The following KIF16B variants were observed in gnomAD, a reference collection of about 807,000 sequenced individuals.
KIF16B encodes kinesin family member 16B.
In KIF16B, 98 loss-of-function variants were observed where a neutral mutation model predicts 156.3. That is an observed-to-expected ratio of 0.63 (90% CI 0.53 to 0.74). The LOEUF is 0.74. KIF16B is among the 30% of genes least tolerant of loss of function. The pLI is 0.00. For synonymous variants in KIF16B, 564 were observed against 583.7 expected (o/e 0.97, Z 0.49); for missense variants, 1,421 against 1,606.5 (o/e 0.88, Z 1.97).
Position 16,573,263 on chromosome 20 carries a change from T to G in KIF16B, c.13A>C (p.Lys5Gln). 1.9e-6 allele frequency: 3 copies of G among 1,609,056 alleles called. No individual in the cohort carries two copies. Among genetic ancestry groups the G allele is most frequent in the Non-Finnish European group, 2.5e-6 (3 of 1,178,736 alleles). The part of the protein sequence containing the change: MASV[K>Q]VAVRVRPMNR... ...ATGGGCCGGACCCTCACGGCCACCT[T>G]GACCGATGCCATCGCTCATCCCGAA... The change falls in exon 1 of 26, where the codon AAG becomes CAG. Residue 5 changes from lysine to glutamine, a missense_variant. By Grantham distance (53) the Lys-to-Gln change is moderately conservative (BLOSUM62 1). Coordinates refer to ENST00000354981, the MANE Select transcript of KIF16B (RefSeq NM_024704.5).
At chr20:16,286,961 C>T (rs888730050) in intron 25 of KIF16B, among the ~76,000 whole-genome samples, 1 of 152,222 alleles carries the variant, frequency 6.6e-6, no homozygotes, top group Non-Finnish European at 1.5e-5. Flanking sequence ...GAGTCATGAT[C>T]AAAATGCAGG....
At chr20:16,410,684 C>T (rs898719426) in intron 15 of KIF16B, among the ~76,000 whole-genome samples, 1 of 152,092 alleles carries the variant, frequency 6.6e-6, no homozygotes. Flanking sequence ...AGTTGCTTAG[C>T]ATCACCATCA....
chr20:16,423,276 T>C (rs940689206), intron 15 of KIF16B, among the ~76,000 whole-genome samples: 1 of 152,084 alleles, frequency 6.6e-6, no homozygotes. Flanking sequence ...TAAAAACAAA[T>C]GTTGACTAGT....
chr20:16,452,891 C>G (rs990151232), intron 12 of KIF16B, among the ~76,000 whole-genome samples: 1 of 147,292 alleles, frequency 6.8e-6, no homozygotes, highest in Non-Finnish European at 1.5e-5. Flanking sequence ...GGATGAAAAA[C>G]GAAGAAAAAA....
chr20:16,434,802 T>C (rs564851884), intron 12 of KIF16B, among the ~76,000 whole-genome samples: 5 of 152,282 alleles, frequency 3.3e-5, no homozygotes, highest in East Asian at 3.9e-4. Flanking sequence ...CAGAGAATTA[T>C]ATATTTCACT....
chr20:16,301,558 C>T (rs962041816), intron 25 of KIF16B, among the ~76,000 whole-genome samples: 1 of 152,110 alleles, frequency 6.6e-6, no homozygotes, highest in African/African-American at 2.4e-5. Context: ...GTTTTCATTT[C>T]CAATTTCCTA....
chr20:16,521,276 G>A lies in KIF16B; in HGVS notation c.231+4816C>T, dbSNP rs1050776836. Among the ~76,000 whole-genome samples the A allele has an allele frequency of 2.6e-5, 4 of 151,964 alleles. No individual in the cohort carries two copies. In the South Asian group the frequency reaches 8.3e-4, roughly 32 times the overall value. On this transcript the variant is annotated intron_variant, in intron 3 of 25. Transcript: ENST00000354981. Reference sequence around the variant, plus strand: ...CAAGGAAGCTAAGAACCTTGAAAAAGGGTTAGACGAATTGCTAACTAGAAT... The same window carrying A: ...CAAGGAAGCTAAGAACCTTGAAAAAAGGTTAGACGAATTGCTAACTAGAAT...
chr20:16,520,423 C>G (rs1032278746), intron 3 of KIF16B, among the ~76,000 whole-genome samples: 1 of 152,176 alleles, frequency 6.6e-6, no homozygotes, highest in African/African-American at 2.4e-5. Context: ...GAATTTCAAG[C>G]TGAGCAGAGC....
chr20:16,382,992 T>C (rs2065137181), intron 17 of KIF16B, among the ~76,000 whole-genome samples: 1 of 152,148 alleles, frequency 6.6e-6, no homozygotes. Context: ...CTGGTGGATT[T>C]CGTTTTGGTA....
Position 16,379,671 on chromosome 20 carries a change from C to T in KIF16B, c.2331G>A (p.Gln777=), listed in dbSNP as rs1189872112. The part of the protein sequence containing the change: ...EQLREKQEMI[Q]LLRRGEVQWV... ...ACTGTACCTCCCCACGCCGCAGGAG[C>T]TGGATCATCTCCTGCTTCTCTCGGA... is the stretch of plus-strand genomic sequence containing the variant. The change falls in exon 19 of 26, where the codon CAG becomes CAA. Residue 777 remains glutamine (Q), a synonymous_variant. Transcript: ENST00000354981. The T allele has an allele frequency of 6.2e-7, 1 of 1,614,052 alleles. No homozygotes were observed. The highest frequency in any genetic ancestry group is 8.5e-7 in the Non-Finnish European group (1 of 1,180,040).
Position 16,379,125 on chromosome 20 carries a change from G to A in KIF16B, c.2877C>T (p.Tyr959=), listed in dbSNP as rs747377079. ...MEEKEEQLAQ[Y]QANANQLQKL... ...TTTGCAGCTGGTTTGCATTGGCCTG[G>A]TACTGTGCAAGCTGTTCTTCTTTTT... The change falls in exon 19 of 26, where the codon TAC becomes TAT. Residue 959 remains tyrosine, a synonymous_variant. Coordinates refer to ENST00000354981, the MANE Select transcript of KIF16B (RefSeq NM_024704.5). 8.7e-6 allele frequency: 14 copies of A among 1,614,186 alleles called. No homozygotes were observed. In the South Asian group the frequency reaches 1.5e-4, roughly 18 times the overall value.
intron 14 of KIF16B, among the ~76,000 whole-genome samples, chr20:16,428,364 T>C (rs2066413647): frequency 6.6e-6 from 1 of 152,100 alleles, no homozygotes; most frequent in South Asian, 2.1e-4. Context: ...CACACACATA[T>C]ACACACCCAC....
intron 12 of KIF16B, among the ~76,000 whole-genome samples, chr20:16,437,948 C>G (rs1377433653): frequency 1.3e-4 from 19 of 147,036 alleles, no homozygotes; most frequent in African/African-American, 4.6e-4. Context: ...GCCTGGAAAA[C>G]AGGGTGAAAC....
intron 12 of KIF16B, among the ~76,000 whole-genome samples, chr20:16,445,417 T>A (rs546775966): frequency 6.6e-4 from 83 of 126,576 alleles, no homozygotes; most frequent in African/African-American, 2.3e-3. Flanking sequence ...GACATGTATA[T>A]ACGTGTGTGT....
intron 17 of KIF16B, among the ~76,000 whole-genome samples, chr20:16,396,830 C>A (rs890226022): frequency 6.6e-6 from 1 of 152,094 alleles, no homozygotes; most frequent in African/African-American, 2.4e-5. Context: ...GCTAACCAAA[C>A]CCCCTCAGGC....
At chr20:16,484,858 G>C (rs1439547618) in intron 12 of KIF16B, among the ~76,000 whole-genome samples, 1 of 152,060 alleles carries the variant, frequency 6.6e-6, no homozygotes, top group Non-Finnish European at 1.5e-5. Flanking sequence ...TACATACACA[G>C]TTGCAAACCA....
At chr20:16,362,362 A>G (rs2064567479) in intron 22 of KIF16B, among the ~76,000 whole-genome samples, 1 of 152,240 alleles carries the variant, frequency 6.6e-6, no homozygotes, top group Admixed American at 6.5e-5. Context: ...AGAGCTAAAA[A>G]AGCAGAGCGC....
At chr20:16,474,405 T>C (rs2067750991) in intron 12 of KIF16B, among the ~76,000 whole-genome samples, 1 of 152,254 alleles carries the variant, frequency 6.6e-6, no homozygotes, top group East Asian at 1.9e-4. Flanking sequence ...CTTAGGGCAG[T>C]GCTTGGCACA....
In KIF16B at chr20:16,371,767, A is replaced by G; in HGVS notation, c.3351-6T>C. On this transcript the variant is annotated splice_region_variant and splice_polypyrimidine_tract_variant and intron_variant, in intron 20 of 25. Transcript: ENST00000354981. ...CTTCAATGTAAGCATTGATCCTGTA[A>G]CACAATGGAGATGGAGTAGATCTGA... The G allele has an allele frequency of 6.3e-7, 1 of 1,599,774 alleles. No individual in the cohort carries two copies. The highest frequency in any genetic ancestry group is 2.2e-5 in the East Asian group (1 of 44,824).
Sources: gnomAD v4.1 joint callset for allele counts (sites outside exome capture counted in the v4.1 genomes callset) on GRCh38, gnomAD v4.1.1 for gene constraint, MANE v1.5 for transcripts, NCBI Gene and HGNC (gene_info 2026-07-23, HGNC 2026-07-21) for gene names.